Variants in UGT2B7 observed in about 807,000 individuals in gnomAD.
UGT2B7 encodes UDP glucuronosyltransferase family 2 member B7.
Under a neutral mutation model 51.9 loss-of-function variants are expected in UGT2B7, and 51 were observed. That is an observed-to-expected ratio of 0.98 (90% CI 0.78 to 1.24). The LOEUF is 1.24. Among genes scored for constraint, UGT2B7 ranks in the 50% most tolerant of loss-of-function variants. UGT2B7 has a pLI of 0.00. For missense variants in UGT2B7, 727 were observed against 628.4 expected, an observed-to-expected ratio of 1.16 and a Z score of -1.68; for synonymous variants, 225 against 211.6, an observed-to-expected ratio of 1.06 and a Z score of -0.55.
In UGT2B7 at chr4:69,087,716, AT is replaced by A. The variant is rs554312770; in HGVS notation, c.-158-1755del. Among the ~76,000 whole-genome samples the A allele has an allele frequency of 6.2e-3, 638 of 103,190 alleles. 2 individuals carry two copies. Among genetic ancestry groups the A allele is most frequent in the African/African-American group, 0.027 (612 of 22,522 alleles). 67.7% of individuals were successfully genotyped at this position (103,190 alleles called of 152,430 possible). A position where few individuals can be genotyped will look rare whatever the true frequency, so the allele number is the denominator to read the frequency against. On this transcript the variant is annotated intron_variant, in intron 1 of 5. Coordinates refer to the UGT2B7 transcript ENST00000502942. ...GCTTCGGTAGGCTCAGTATTTTTGC[AT>A]GGCAGATTTTTTTCAGCACTTTAAA...
intron 1 of UGT2B7, among the ~76,000 whole-genome samples, chr4:69,084,384 T>C (rs1249390453): frequency 6.6e-6 from 1 of 151,464 alleles, no homozygotes. Flanking sequence ...ATCATACTCT[T>C]GACAAATCAT....
intron 1 of UGT2B7, among the ~76,000 whole-genome samples, chr4:69,087,829 T>C (rs1163778673): frequency 6.6e-6 from 1 of 152,006 alleles, no homozygotes; most frequent in Non-Finnish European, 1.5e-5. Flanking sequence ...AATTGGGACA[T>C]TGTTTAATAT....
At chr4:69,096,220 C>T (rs574200273), upstream of UGT2B7, among the ~76,000 whole-genome samples, 1 of 152,206 alleles carries the variant, frequency 6.6e-6, no homozygotes, top group Non-Finnish European at 1.5e-5. Flanking sequence ...CTGTTCTGGA[C>T]ACTCTTCTAA....
upstream of UGT2B7, among the ~76,000 whole-genome samples, chr4:69,094,737 C>T (rs1236987780): frequency 6.6e-6 from 1 of 152,140 alleles, no homozygotes; most frequent in Non-Finnish European, 1.5e-5. Context: ...ATTAACCCAC[C>T]CTTTCACAAA....
At chr4:69,076,221 A>G (rs1237529179) in intron 1 of UGT2B7, among the ~76,000 whole-genome samples, 1 of 152,168 alleles carries the variant, frequency 6.6e-6, no homozygotes, top group East Asian at 1.9e-4. Context: ...GCTATTGTGA[A>G]CAGTGCCACA....
chr4:69,070,821 T>C (rs1005249423), intron 1 of UGT2B7, among the ~76,000 whole-genome samples: 2 of 152,108 alleles, frequency 1.3e-5, no homozygotes, highest in African/African-American at 4.8e-5. Flanking sequence ...AGTGCACATA[T>C]AAGCTGGACT....
chr4:69,093,083 G>A (rs545658093), upstream of UGT2B7, among the ~76,000 whole-genome samples: 29 of 152,192 alleles, frequency 1.9e-4, no homozygotes, highest in East Asian at 7.7e-4. Context: ...CAAAGATGGC[G>A]GCCCATATCT....
At chr4:69,099,349 G>A (rs1221272514) in intron 2 of UGT2B7, among the ~76,000 whole-genome samples, 1 of 151,708 alleles carries the variant, frequency 6.6e-6, no homozygotes, top group Non-Finnish European at 1.5e-5. Flanking sequence ...CTAAGACTCG[G>A]ATGATGGTGA....
chr4:69,058,111 A>G (rs1457229846), intron 1 of UGT2B7, among the ~76,000 whole-genome samples: 1 of 152,244 alleles, frequency 6.6e-6, no homozygotes, highest in Non-Finnish European at 1.5e-5. Context: ...AGGGAAAGTC[A>G]CAGGAGCTTG....
At chr4:69,055,980 C>T (rs1229918878) in intron 1 of UGT2B7, among the ~76,000 whole-genome samples, 1 of 152,022 alleles carries the variant, frequency 6.6e-6, no homozygotes, top group Non-Finnish European at 1.5e-5. Flanking sequence ...TTAGGCCCAC[C>T]CAGAATTCTA....
At chr4:69,083,957 G>T (rs2109875299) in intron 1 of UGT2B7, among the ~76,000 whole-genome samples, 1 of 152,156 alleles carries the variant, frequency 6.6e-6, no homozygotes, top group East Asian at 1.9e-4. Flanking sequence ...TCTTGTTCCA[G>T]ATCTTAGAGA....
rs189407257 is a variant in UGT2B7 at position 69,054,612 on chromosome 4, T to A, written c.-159+3010T>A. ...GTTTAGAGGTGCTGGACTCAGTTTA[T>A]TCTAGTAGGCCCAACCTCCGAGACA... is the stretch of plus-strand genomic sequence containing the variant. On this transcript the variant is annotated intron_variant, in intron 1 of 5. Coordinates refer to the UGT2B7 transcript ENST00000502942. 1.5e-4 allele frequency among the ~76,000 whole-genome samples: 23 copies of A among 152,076 alleles called. No individual in the cohort carries two copies. The East Asian group carries it at 4.1e-3, about 27-fold the overall frequency.
At chr4:69,106,865 T>C (rs1288237545) in intron 3 of UGT2B7, among the ~76,000 whole-genome samples, 1 of 151,940 alleles carries the variant, frequency 6.6e-6, no homozygotes, top group East Asian at 1.9e-4. Flanking sequence ...TTTTCTTTTT[T>C]TTTTTCATAT....
upstream of UGT2B7, among the ~76,000 whole-genome samples, chr4:69,094,225 C>A (rs1188282560): frequency 6.1e-5 from 2 of 32,658 alleles, 1 homozygote; most frequent in African/African-American, 4.8e-4. Context: ...CTGCAAGCTC[C>A]GCCTCCCGGG....
intron 1 of UGT2B7, among the ~76,000 whole-genome samples, chr4:69,051,974 G>A (rs756799873): frequency 6.6e-5 from 10 of 152,140 alleles, no homozygotes; most frequent in Non-Finnish European, 1.5e-4. Context: ...TGTGGTGTGA[G>A]CGTGGTGTTT....
Position 69,102,916 on chromosome 4 carries a change from C to A in UGT2B7, c.980C>A (p.Ala327Asp), listed in dbSNP as rs1372365173. The change falls in exon 3 of 6, where the codon GCC becomes GAC. Residue 327 changes from alanine to aspartate, a missense_variant. Coordinates refer to ENST00000305231, the MANE Select transcript of UGT2B7 (RefSeq NM_001074.4). ...GAAAGGGCCAACGTAATTGCATCAG[C>A]CCTGGCCCAGATCCCACAAAAGGTA... ...TEERANVIAS[A>D]LAQIPQKVLW... The A allele has an allele frequency of 6.2e-7, 1 of 1,613,178 alleles. No individual in the cohort carries two copies. The highest frequency in any genetic ancestry group is 8.5e-7 in the Non-Finnish European group (1 of 1,179,558).
upstream of UGT2B7, among the ~76,000 whole-genome samples, chr4:69,094,914 A>C (rs1301652213): frequency 6.6e-6 from 1 of 152,212 alleles, no homozygotes; most frequent in African/African-American, 2.4e-5. Context: ...CATCTTCACC[A>C]GGAGTAGATT....
chr4:69,081,794 A>T (rs1718844384), intron 1 of UGT2B7, among the ~76,000 whole-genome samples: 1 of 152,104 alleles, frequency 6.6e-6, no homozygotes, highest in Non-Finnish European at 1.5e-5. Flanking sequence ...TGCACCATTT[A>T]CATCACACAT....
chr4:69,059,864 A>G (rs955035310), intron 1 of UGT2B7, among the ~76,000 whole-genome samples: 1 of 152,182 alleles, frequency 6.6e-6, no homozygotes, highest in African/African-American at 2.4e-5. Context: ...TGCCAAACCC[A>G]TATACTTTAA....
Sources: gnomAD v4.1 joint callset for allele counts (sites outside exome capture counted in the v4.1 genomes callset) on GRCh38, gnomAD v4.1.1 for gene constraint, MANE v1.5 for transcripts, NCBI Gene and HGNC (gene_info 2026-07-23, HGNC 2026-07-21) for gene names.